ARHGAP24: variants seen among roughly 807,000 people sequenced by gnomAD.
ARHGAP24 encodes Rho GTPase activating protein 24, also known as rho GTPase-activating protein 24.
In ARHGAP24, 50 loss-of-function variants were observed where a neutral mutation model predicts 76.4. The ratio of observed to expected loss-of-function variants is 0.65; its 90% CI spans 0.52 to 0.83. The LOEUF (loss-of-function observed/expected upper bound fraction) is 0.83, where lower values mean the gene tolerates loss of function less well. ARHGAP24 is among the 40% of genes least tolerant of loss of function. The pLI is 0.00. For synonymous variants in ARHGAP24, 345 were observed against 323.3 expected, an observed-to-expected ratio of 1.07 and a Z score of -0.72; for missense variants, 930 against 914.2, an observed-to-expected ratio of 1.02 and a Z score of -0.22.
chr4:85,513,439 T>A (rs1724361253), intron 1 of ARHGAP24, among the ~76,000 whole-genome samples: 1 of 152,192 alleles, frequency 6.6e-6, no homozygotes, highest in Non-Finnish European at 1.5e-5. Flanking sequence ...TTAACCATAA[T>A]TTTTATCCTA....
At chr4:85,584,023 A>T (rs1428941238) in intron 2 of ARHGAP24, among the ~76,000 whole-genome samples, 1 of 149,186 alleles carries the variant, frequency 6.7e-6, no homozygotes, top group Admixed American at 6.6e-5. Flanking sequence ...CCATTGTGGA[A>T]GTCAGTGTGG....
In ARHGAP24 at chr4:85,876,823, G is replaced by T. The variant is rs561208568; in HGVS notation, c.269-46825G>T. On this transcript the variant is annotated intron_variant, in intron 3 of 9. Coordinates refer to ENST00000395184, the MANE Select transcript of ARHGAP24 (RefSeq NM_001025616.3). ...GTAAGGCCTCCCAATTAATGCTCTT[G>T]TTTTACCACTTCATAATAAGCATGG... 2.6e-5 allele frequency among the ~76,000 whole-genome samples: 4 copies of T among 152,162 alleles called. No individual in the cohort carries two copies. In the East Asian group the frequency reaches 7.7e-4, roughly 29 times the overall value.
intron 3 of ARHGAP24, among the ~76,000 whole-genome samples, chr4:85,745,329 C>T (rs1055461076): frequency 1.4e-5 from 2 of 146,408 alleles, no homozygotes; most frequent in African/African-American, 5.0e-5. Flanking sequence ...TGTATATATA[C>T]ATATATACAT....
rs371054297 is a variant in ARHGAP24, at chr4:85,703,052, AG to A, written c.181-18832del. Among the ~76,000 whole-genome samples, 24 of 152,112 alleles carry A rather than the reference AG, an allele frequency of 1.6e-4. No individual in the cohort carries two copies. The South Asian group carries it at 5.0e-3, about 32-fold the overall frequency. ...TAGAGAAGAGAAAAATGAATATAAAAGAAACTAAGGATCCTACCAAGATTAT... is the reference window on the plus strand; with the variant it reads ...TAGAGAAGAGAAAAATGAATATAAAAAAACTAAGGATCCTACCAAGATTAT... On this transcript the variant is annotated intron_variant, in intron 2 of 9. Coordinates refer to ENST00000395184, the MANE Select transcript of ARHGAP24 (RefSeq NM_001025616.3).
intron 3 of ARHGAP24, among the ~76,000 whole-genome samples, chr4:85,901,161 A>T (rs1235338473): frequency 6.6e-6 from 1 of 152,164 alleles, no homozygotes; most frequent in Admixed American, 6.5e-5. Flanking sequence ...GTTCTCCTTC[A>T]CTTCACTCAT....
intron 3 of ARHGAP24, among the ~76,000 whole-genome samples, chr4:85,849,256 G>T (rs1357981261): frequency 2.0e-5 from 3 of 149,868 alleles, no homozygotes. Context: ...TTTGTCTGTT[G>T]TTGGTGTATA....
intron 2 of ARHGAP24, among the ~76,000 whole-genome samples, chr4:85,711,831 G>A (rs1377397520): frequency 6.6e-6 from 1 of 152,076 alleles, no homozygotes; most frequent in African/African-American, 2.4e-5. Flanking sequence ...GGGTTTATTA[G>A]TTAATTAAAA....
At chr4:85,821,133 AG>A (rs1354060624) in intron 3 of ARHGAP24, among the ~76,000 whole-genome samples, 1 of 152,148 alleles carries the variant, frequency 6.6e-6, no homozygotes. Flanking sequence ...CCCATGAAAA[AG>A]ATTGGAATAG....
intron 2 of ARHGAP24, among the ~76,000 whole-genome samples, chr4:85,626,974 C>G (rs1010186203): frequency 1.3e-4 from 20 of 152,210 alleles, no homozygotes; most frequent in Middle Eastern, 3.4e-3. Flanking sequence ...GTTATCCATT[C>G]GTCTAATTTT....
At chr4:85,627,456 G>A (rs932758085) in intron 2 of ARHGAP24, among the ~76,000 whole-genome samples, 8 of 152,174 alleles carry the variant, frequency 5.3e-5, no homozygotes, top group African/African-American at 1.2e-4. Flanking sequence ...AGGAGTACCC[G>A]GCCGTGTGAG....
At chr4:85,999,302 T>C (rs1375734720) in intron 9 of ARHGAP24, among the ~76,000 whole-genome samples, 5 of 152,180 alleles carry the variant, frequency 3.3e-5, no homozygotes, top group Non-Finnish European at 7.3e-5. Context: ...AAAAATGTGG[T>C]CATATGTTTA....
intron 3 of ARHGAP24, among the ~76,000 whole-genome samples, chr4:85,836,940 T>C (rs1307761218): frequency 1.3e-5 from 2 of 152,114 alleles, no homozygotes; most frequent in Non-Finnish European, 2.9e-5. Context: ...CTGTTCCAAC[T>C]CACAGAGTAG....
chr4:85,878,656 C>T (rs961399831), intron 3 of ARHGAP24, among the ~76,000 whole-genome samples: 1 of 152,066 alleles, frequency 6.6e-6, no homozygotes, highest in Non-Finnish European at 1.5e-5. Flanking sequence ...GAATAAGATA[C>T]ATGGACCTTG....
intron 3 of ARHGAP24, among the ~76,000 whole-genome samples, chr4:85,742,051 G>T (rs1377806285): frequency 6.6e-6 from 1 of 152,168 alleles, no homozygotes; most frequent in Non-Finnish European, 1.5e-5. Context: ...AGGTTGACTG[G>T]GATAGACCAG....
At chr4:85,574,871 C>T (rs112726823) in intron 2 of ARHGAP24, among the ~76,000 whole-genome samples, 107 of 152,250 alleles carry the variant, frequency 7.0e-4, no homozygotes, top group African/African-American at 2.6e-3. Context: ...CAACTTGCAC[C>T]TTGCCTTCCA....
chr4:85,775,490 G>T (rs1395486376), intron 3 of ARHGAP24, among the ~76,000 whole-genome samples: 2 of 152,284 alleles, frequency 1.3e-5, no homozygotes, highest in Non-Finnish European at 2.9e-5. Context: ...GATAGAATGA[G>T]AACCAAGTGA....
intron 1 of ARHGAP24, among the ~76,000 whole-genome samples, chr4:85,530,704 C>G (rs1725222942): frequency 6.6e-6 from 1 of 151,854 alleles, no homozygotes; most frequent in African/African-American, 2.4e-5. Context: ...TTCAATATTC[C>G]TTAGTGCAAG....
chr4:85,674,864 G>A (rs962952240), intron 2 of ARHGAP24, among the ~76,000 whole-genome samples: 1 of 152,166 alleles, frequency 6.6e-6, no homozygotes, highest in Non-Finnish European at 1.5e-5. Context: ...TTGTCTGAGA[G>A]TTCCTTATGG....
chr4:85,771,963 C>A (rs1213699507), intron 3 of ARHGAP24, among the ~76,000 whole-genome samples: 1 of 152,170 alleles, frequency 6.6e-6, no homozygotes, highest in Non-Finnish European at 1.5e-5. Context: ...CCCACCTTGG[C>A]CTGCCAAAGT....
Sources: allele counts gnomAD v4.1 joint callset (sites outside exome capture counted in the v4.1 genomes callset), GRCh38; gene constraint gnomAD v4.1.1; transcripts MANE v1.5; gene names NCBI Gene and HGNC (gene_info 2026-07-23, HGNC 2026-07-21).